POFUT3: variants seen among roughly 807,000 people sequenced by gnomAD.
POFUT3 encodes GDP-fucose protein O-fucosyltransferase 3.
the POFUT3 span, among the ~76,000 whole-genome samples, chr8:33,308,777 T>G: frequency 6.6e-6 from 1 of 152,056 alleles, no homozygotes; most frequent in Non-Finnish European, 1.5e-5. Flanking sequence ...CCCTCGTGAC[T>G]GGGCCTCATG....
At chr8:33,345,690 T>C in the POFUT3 span, among the ~76,000 whole-genome samples, 1 of 151,982 alleles carries the variant, frequency 6.6e-6, no homozygotes, top group Non-Finnish European at 1.5e-5. Flanking sequence ...TTTTTAAATA[T>C]GTTTTTATAC....
the POFUT3 span, among the ~76,000 whole-genome samples, chr8:33,434,613 G>T: frequency 6.6e-6 from 1 of 152,070 alleles, no homozygotes; most frequent in African/African-American, 2.4e-5. Context: ...GATCACTCGT[G>T]CCCCACTGTA....
the POFUT3 span, among the ~76,000 whole-genome samples, chr8:33,450,809 T>A: frequency 6.6e-6 from 1 of 152,162 alleles, no homozygotes; most frequent in African/African-American, 2.4e-5. Flanking sequence ...AAAAACCAAC[T>A]CTTAAGTGTA....
chr8:33,395,778 G>A, the POFUT3 span, among the ~76,000 whole-genome samples: 320 of 152,200 alleles, frequency 2.1e-3, 1 homozygote, highest in African/African-American at 7.2e-3. Flanking sequence ...AGACACTGCC[G>A]TGGGCTGGTA....
the POFUT3 span, among the ~76,000 whole-genome samples, chr8:33,425,879 G>A: frequency 2.2e-5 from 3 of 137,842 alleles, no homozygotes; most frequent in African/African-American, 5.4e-5. Flanking sequence ...GCAGGGAGCC[G>A]AAACAAGAGC....
the POFUT3 span, among the ~76,000 whole-genome samples, chr8:33,342,251 G>A: frequency 6.6e-6 from 1 of 152,050 alleles, no homozygotes; most frequent in South Asian, 2.1e-4. Flanking sequence ...CAGCTACACA[G>A]GAGGCTGAGG....
chr8:33,420,619 G>A, the POFUT3 span, among the ~76,000 whole-genome samples: 5 of 152,118 alleles, frequency 3.3e-5, no homozygotes, highest in South Asian at 2.1e-4. Flanking sequence ...TTTGGGGGGA[G>A]CAGAAAAATG....
chr8:33,320,285 A>G, the POFUT3 span, among the ~76,000 whole-genome samples: 16 of 152,206 alleles, frequency 1.1e-4, no homozygotes, highest in African/African-American at 3.8e-4. Context: ...ATTGAAGTAG[A>G]ACAAAATAAA....
At chr8:33,342,950 A>G in the POFUT3 span, among the ~76,000 whole-genome samples, 2 of 152,022 alleles carry the variant, frequency 1.3e-5, no homozygotes, top group Non-Finnish European at 2.9e-5. Flanking sequence ...TATTAAAAAT[A>G]CAGAATATTA....
chr8:33,378,584 T>C, the POFUT3 span, among the ~76,000 whole-genome samples: 1 of 152,134 alleles, frequency 6.6e-6, no homozygotes, highest in East Asian at 1.9e-4. Flanking sequence ...GAACCTGCCG[T>C]ACTCCCAACA....
chr8:33,400,131 A>T, the POFUT3 span, among the ~76,000 whole-genome samples: 2 of 70,008 alleles, frequency 2.9e-5, no homozygotes, highest in South Asian at 7.0e-4. Context: ...TAAGTTCATT[A>T]AAAAAAAAAA....
At chr8:33,369,685 T>C in the POFUT3 span, among the ~76,000 whole-genome samples, 3 of 152,184 alleles carry the variant, frequency 2.0e-5, no homozygotes, top group African/African-American at 7.2e-5. Context: ...ATACAGTCTT[T>C]TATAGATATT....
At chr8:33,448,089 C>T in the POFUT3 span, among the ~76,000 whole-genome samples, 3 of 152,056 alleles carry the variant, frequency 2.0e-5, no homozygotes, top group Non-Finnish European at 4.4e-5. Flanking sequence ...CCTGTAATCC[C>T]AATACTTTGG....
chr8:33,308,334 A>T, the POFUT3 span, among the ~76,000 whole-genome samples: 1 of 152,334 alleles, frequency 6.6e-6, no homozygotes, highest in Non-Finnish European at 1.5e-5. Context: ...CAAAGAGAGC[A>T]TTGAGCTCTA....
chr8:33,377,940 G>C, the POFUT3 span, among the ~76,000 whole-genome samples: 2 of 151,974 alleles, frequency 1.3e-5, no homozygotes, highest in African/African-American at 4.8e-5. Flanking sequence ...ACCTTTGGCA[G>C]AACACAGGAG....
chr8:33,390,010 C>T, the POFUT3 span, among the ~76,000 whole-genome samples: 1 of 152,100 alleles, frequency 6.6e-6, no homozygotes, highest in Admixed American at 6.5e-5. Flanking sequence ...GCCTGGCCAA[C>T]ATGGTGAAAC....
the POFUT3 span, among the ~76,000 whole-genome samples, chr8:33,342,380 A>G: frequency 2.6e-5 from 4 of 151,940 alleles, no homozygotes; most frequent in African/African-American, 9.7e-5. Context: ...AAAACTGACA[A>G]ATCTGTAGCA....
chr8:33,359,981 G>T, the POFUT3 span, among the ~76,000 whole-genome samples: 1 of 151,982 alleles, frequency 6.6e-6, no homozygotes, highest in Non-Finnish European at 1.5e-5. Context: ...ACTCCAGCCT[G>T]GGCAAAAGAG....
the POFUT3 span, among the ~76,000 whole-genome samples, chr8:33,331,206 C>T: frequency 5.9e-5 from 7 of 117,872 alleles, no homozygotes; most frequent in South Asian, 7.0e-4. Context: ...ACCGGGCGCG[C>T]GCCTGTAATC....
Sources: gnomAD v4.1 joint callset for allele counts (sites outside exome capture counted in the v4.1 genomes callset) on GRCh38, gnomAD v4.1.1 for gene constraint, MANE v1.5 for transcripts, NCBI Gene and HGNC (gene_info 2026-07-23, HGNC 2026-07-21) for gene names.